Variants in STIM2 observed in about 807,000 individuals in gnomAD.
The protein encoded by STIM2 is stromal interaction molecule 2.
In STIM2, 31 loss-of-function variants were observed where a neutral mutation model predicts 85.8. The observed-to-expected ratio is 0.36, with a 90% CI of 0.27 to 0.49. The LOEUF is 0.49. STIM2 is among the 20% of genes least tolerant of loss of function. The pLI, the probability that STIM2 is intolerant of heterozygous loss-of-function variation, is 0.98. For missense variants in STIM2, 841 were observed against 927.6 expected, an observed-to-expected ratio of 0.91 and a Z score of 1.21; for synonymous variants, 356 against 331.1, an observed-to-expected ratio of 1.08 and a Z score of -0.82.
intron 2 of STIM2, among the ~76,000 whole-genome samples, chr4:26,945,791 G>A (rs1280725974): frequency 1.3e-5 from 2 of 151,796 alleles, no homozygotes; most frequent in Non-Finnish European, 2.9e-5. Context: ...CTTTTTAATG[G>A]GGTTTTTTTT....
In STIM2 at chr4:27,024,761, G is replaced by A. The variant is rs1729030164; in HGVS notation, c.*1765G>A. The A allele has an allele frequency of 6.6e-6, 1 of 152,256 alleles. No individual in the cohort carries two copies. Among genetic ancestry groups the A allele is most frequent in the Admixed American group, 6.5e-5 (1 of 15,278 alleles). 9.4% of individuals were successfully genotyped at this position (152,256 alleles called of 1,614,324 possible). A position where few individuals can be genotyped will look rare whatever the true frequency, so the allele number is the denominator to read the frequency against. On this transcript the variant is annotated 3_prime_UTR_variant, in exon 12 of 12. Coordinates refer to ENST00000467087, the MANE Select transcript of STIM2 (RefSeq NM_020860.4). ...CAGGGTTGAAAGCTGTTGGAGAGGG[G>A]AAAAGTTGTGCATAAAGAACTGAAA...
intron 2 of STIM2, among the ~76,000 whole-genome samples, chr4:26,953,739 TTC>T (rs1726140345): frequency 6.6e-6 from 1 of 152,096 alleles, no homozygotes; most frequent in Non-Finnish European, 1.5e-5. Context: ...TTTCATTATT[TTC>T]TCTTTCTGCA....
At chr4:27,001,498 C>T (rs927536751) in intron 5 of STIM2, among the ~76,000 whole-genome samples, 2 of 152,170 alleles carry the variant, frequency 1.3e-5, no homozygotes, top group Admixed American at 1.3e-4. Flanking sequence ...CTTTATCAGC[C>T]TTAGCACTAG....
At position 27,008,882 on chromosome 4, in the gene STIM2, T is replaced by G; in HGVS notation, c.1369T>G (p.Ser457Ala). Residue 457 changes from serine (S) to alanine (A), a missense_variant, in exon 10 of 12, where the codon TCC (serine) becomes GCC (alanine). Transcript: ENST00000467087. ...CTCAGGACTCCCCAGCCTGACCTCT[T>G]CCCTTTATTCTGATCACAGCTGGGT... is the stretch of plus-strand genomic sequence containing the variant. 6.2e-7 allele frequency: 1 copy of G among 1,614,134 alleles called. No homozygotes were observed. The highest frequency in any genetic ancestry group is 8.5e-7 in the Non-Finnish European group (1 of 1,180,008).
At chr4:26,930,328 C>T (rs1050008871) in intron 2 of STIM2, among the ~76,000 whole-genome samples, 2 of 152,078 alleles carry the variant, frequency 1.3e-5, no homozygotes, top group African/African-American at 2.4e-5. Context: ...ATCATAGATT[C>T]TAGTGTATAT....
In STIM2 at chr4:27,007,813, T is replaced by A. The variant is rs367706345; in HGVS notation, c.1149+113T>A. On this transcript the variant is annotated intron_variant, in intron 8 of 11. Transcript: ENST00000467087. Reference sequence around the variant, plus strand: ...ATAAAAGTTTTATTATTACAGATTCTTTTTTCAAACTGGAACTTATTGTGT... The same window carrying A: ...ATAAAAGTTTTATTATTACAGATTCATTTTTCAAACTGGAACTTATTGTGT... The A allele has an allele frequency of 2.0e-5, 24 of 1,200,614 alleles. No homozygotes were observed. The East Asian group carries it at 3.1e-4, about 16-fold the overall frequency. 74.4% of individuals were successfully genotyped at this position (1,200,614 alleles called of 1,614,324 possible).
chr4:26,869,691 C>A lies in STIM2; in HGVS notation c.151+8322C>A, dbSNP rs906998197. On this transcript the variant is annotated intron_variant, in intron 1 of 11. Transcript: ENST00000467087. The stretch of plus-strand genomic sequence containing the variant: ...ACCACAGATGGCTAATTAAAAAAAA[C>A]TTTTTAAAATGTAAACCTGAAAATT... 7.2e-5 allele frequency among the ~76,000 whole-genome samples: 11 copies of A among 151,866 alleles called. No individual in the cohort carries two copies. The South Asian group carries it at 1.5e-3, about 20-fold the overall frequency.
At chr4:26,984,872 A>G (rs894020848) in intron 3 of STIM2, among the ~76,000 whole-genome samples, 5 of 152,224 alleles carry the variant, frequency 3.3e-5, no homozygotes, top group African/African-American at 1.2e-4. Context: ...AACATTTGCC[A>G]GCATTTACCT....
Position 26,999,581 on chromosome 4 carries a change from ATATT to A in STIM2, c.625+237_625+240del, listed in dbSNP as rs1030097776. ...AATGTAAGAAGTTATATAAAAAACTATATTTAGCTGTTAATTTAGAATTTTTAGA... is the reference window on the plus strand; with the variant it reads ...AATGTAAGAAGTTATATAAAAAACTATAGCTGTTAATTTAGAATTTTTAGA... On this transcript the variant is annotated intron_variant, in intron 5 of 11. Transcript: ENST00000467087. 1.1e-4 allele frequency among the ~76,000 whole-genome samples: 17 copies of A among 152,348 alleles called. No homozygotes were observed. The East Asian group carries it at 2.9e-3, about 26-fold the overall frequency.
chr4:26,897,641 A>T (rs1190374666), intron 1 of STIM2, among the ~76,000 whole-genome samples: 1 of 152,238 alleles, frequency 6.6e-6, no homozygotes, highest in Non-Finnish European at 1.5e-5. Context: ...CTCACTATGC[A>T]TTGCTGTCCT....
chr4:26,982,592 C>T (rs1727441650), intron 3 of STIM2, among the ~76,000 whole-genome samples: 1 of 152,062 alleles, frequency 6.6e-6, no homozygotes, highest in Non-Finnish European at 1.5e-5. Context: ...TATCCAGGCT[C>T]ATTGTGTTAT....
chr4:26,997,227 T>C (rs953982975), intron 4 of STIM2, among the ~76,000 whole-genome samples: 17 of 152,150 alleles, frequency 1.1e-4, no homozygotes, highest in Non-Finnish European at 2.2e-4. Context: ...ACATAAGAAC[T>C]AGTTACAAGA....
At chr4:26,973,655 C>T (rs971813201) in intron 3 of STIM2, among the ~76,000 whole-genome samples, 2 of 152,054 alleles carry the variant, frequency 1.3e-5, no homozygotes, top group Non-Finnish European at 2.9e-5. Flanking sequence ...GCTTTACTTC[C>T]GATTATGTGG....
At chr4:26,962,621 T>C (rs1220577050) in intron 3 of STIM2, among the ~76,000 whole-genome samples, 3 of 146,340 alleles carry the variant, frequency 2.1e-5, no homozygotes, top group African/African-American at 7.6e-5. Context: ...TGTGTCTGTG[T>C]GTAGAGAGAA....
chr4:26,963,108 C>A (rs1012246869), intron 3 of STIM2, among the ~76,000 whole-genome samples: 1 of 152,060 alleles, frequency 6.6e-6, no homozygotes, highest in East Asian at 1.9e-4. Flanking sequence ...TTCAAGTGTA[C>A]CTAAAGGCTA....
chr4:26,945,243 A>G (rs1408503484), intron 2 of STIM2, among the ~76,000 whole-genome samples: 1 of 152,134 alleles, frequency 6.6e-6, no homozygotes, highest in Non-Finnish European at 1.5e-5. Flanking sequence ...AGTGGCCTCC[A>G]GTTTCATTTG....
At chr4:26,916,704 CAT>C (rs1352843465) in intron 1 of STIM2, among the ~76,000 whole-genome samples, 4 of 151,910 alleles carry the variant, frequency 2.6e-5, no homozygotes, top group South Asian at 2.1e-4. Context: ...GTACTACAGA[CAT>C]ATTAAACCAC....
chr4:27,022,409 C>T lies in STIM2; in HGVS notation c.1764-110C>T, dbSNP rs150538146. The T allele has an allele frequency of 2.4e-4, 201 of 849,180 alleles. 3 individuals are homozygous for T. The highest frequency in any genetic ancestry group is 2.0e-3 in the East Asian group (77 of 39,366). 52.6% of individuals were successfully genotyped at this position (849,180 alleles called of 1,614,324 possible). A position where few individuals can be genotyped will look rare whatever the true frequency, so the allele number is the denominator to read the frequency against. On this transcript the variant is annotated intron_variant, in intron 11 of 11. Coordinates refer to ENST00000467087, the MANE Select transcript of STIM2 (RefSeq NM_020860.4). ...AATGTATATAGAATCATATCATTTC[C>T]CTCTTTTAAATTTCAAAAAGCAATG...
intron 1 of STIM2, chr4:26,873,912 CAG>C: frequency 7.3e-7 from 1 of 1,378,676 alleles, no homozygotes; most frequent in Non-Finnish European, 1.0e-6. Flanking sequence ...GCTGAGTGGA[CAG>C]GGGCGCCTCC....
Sources: allele counts gnomAD v4.1 joint callset (sites outside exome capture counted in the v4.1 genomes callset), GRCh38; gene constraint gnomAD v4.1.1; transcripts MANE v1.5; gene names NCBI Gene and HGNC (gene_info 2026-07-23, HGNC 2026-07-21).